The following ADIPOR2 variants were observed in gnomAD, a reference collection of about 807,000 sequenced individuals.
ADIPOR2 encodes the protein adiponectin receptor protein 2.
Under a neutral mutation model 40.9 loss-of-function variants are expected in ADIPOR2, and 18 were observed. That is an observed-to-expected ratio of 0.44 (90% CI 0.30 to 0.65). ADIPOR2 has a LOEUF of 0.65. Ranked by LOEUF, ADIPOR2 falls within the 30% of genes least tolerant of loss-of-function variation. ADIPOR2 has a pLI of 0.09. For missense variants in ADIPOR2, 283 were observed against 479.2 expected, an observed-to-expected ratio of 0.59 and a Z score of 3.82; for synonymous variants, 165 against 166.4, an observed-to-expected ratio of 0.99 and a Z score of 0.06.
In ADIPOR2 at chr12:1,732,002, A is replaced by T. The variant is rs976539447; in HGVS notation, c.-86-22256A>T. On this transcript the variant is annotated intron_variant, in intron 1 of 7. Coordinates refer to ENST00000357103, the MANE Select transcript of ADIPOR2 (RefSeq NM_024551.3). ...AAACAAAAAACACCAAGTTTATTTAAAAAAAAAAAAAGCTTAGACTTTTTT... is the reference window on the plus strand; with the variant it reads ...AAACAAAAAACACCAAGTTTATTTATAAAAAAAAAAAGCTTAGACTTTTTT... 1.1e-3 allele frequency among the ~76,000 whole-genome samples: 9 copies of T among 7,836 alleles called. No homozygotes were observed. The East Asian group carries it at 0.057, about 50-fold the overall frequency. The allele number at this position is 7,836 out of a possible 152,430, so 5.1% of individuals were successfully genotyped here. A position where few individuals can be genotyped will look rare whatever the true frequency, so the allele number is the denominator to read the frequency against.
At chr12:1,721,530 TCTAAATTAAC>T (rs2094697950) in intron 1 of ADIPOR2, among the ~76,000 whole-genome samples, 1 of 152,160 alleles carries the variant, frequency 6.6e-6, no homozygotes, top group African/African-American at 2.4e-5. Context: ...AAATAAACTT[TCTAAATTAAC>T]TGAGACCTGT....
intron 1 of ADIPOR2, among the ~76,000 whole-genome samples, chr12:1,736,302 T>C (rs1221529132): frequency 2.0e-5 from 3 of 152,224 alleles, no homozygotes; most frequent in Admixed American, 1.3e-4. Flanking sequence ...GAGATTCAAC[T>C]TCTTCCTGGT....
At chr12:1,695,530 G>C (rs1038880961) in intron 1 of ADIPOR2, among the ~76,000 whole-genome samples, 1 of 151,874 alleles carries the variant, frequency 6.6e-6, no homozygotes, top group Non-Finnish European at 1.5e-5. Context: ...GGGTATGGTG[G>C]CGCGCGCCTG....
At chr12:1,706,982 C>T (rs1037685791) in intron 1 of ADIPOR2, among the ~76,000 whole-genome samples, 4 of 152,104 alleles carry the variant, frequency 2.6e-5, no homozygotes, top group African/African-American at 7.2e-5. Context: ...GTGTGAGACC[C>T]GGTCTCAAGA....
At chr12:1,776,266 C>T (rs1217453224) in intron 3 of ADIPOR2, among the ~76,000 whole-genome samples, 1 of 152,150 alleles carries the variant, frequency 6.6e-6, no homozygotes, top group Non-Finnish European at 1.5e-5. Context: ...GGTTGTGGAG[C>T]AAAAGGAATG....
chr12:1,780,696 A>G lies in ADIPOR2; in HGVS notation c.650+59A>G. On this transcript the variant is annotated intron_variant, in intron 5 of 7. Transcript: ENST00000357103. ...GATTTAGAGGTAGTGCGTTAGGGAA[A>G]AACATTCAGCAGAGTTGGCAGAATT... The G allele has an allele frequency of 5.5e-6, 8 of 1,458,422 alleles. No homozygotes were observed. In the South Asian group the frequency reaches 1.1e-4, roughly 21 times the overall value. 90.3% of individuals were successfully genotyped at this position (1,458,422 alleles called of 1,614,324 possible).
chr12:1,738,178 G>T (rs2094735052), intron 1 of ADIPOR2, among the ~76,000 whole-genome samples: 1 of 143,018 alleles, frequency 7.0e-6, no homozygotes, highest in African/African-American at 2.6e-5. Context: ...TTTGAGACCG[G>T]CCTGGGCAAC....
At chr12:1,720,868 G>A (rs2154442113) in intron 1 of ADIPOR2, among the ~76,000 whole-genome samples, 1 of 152,296 alleles carries the variant, frequency 6.6e-6, no homozygotes, top group Middle Eastern at 3.4e-3. Context: ...GGGCTAACCT[G>A]CCTTCCATTC....
chr12:1,703,573 A>G (rs1284035178), intron 1 of ADIPOR2, among the ~76,000 whole-genome samples: 1 of 152,062 alleles, frequency 6.6e-6, no homozygotes, highest in East Asian at 1.9e-4. Flanking sequence ...TGTCTCTACA[A>G]AAAACTTAAA....
At chr12:1,739,477 G>T (rs1236586703) in intron 1 of ADIPOR2, among the ~76,000 whole-genome samples, 1 of 152,282 alleles carries the variant, frequency 6.6e-6, no homozygotes, top group Non-Finnish European at 1.5e-5. Context: ...AAAGATTGGT[G>T]TTTACATTTA....
At chr12:1,777,742 T>C in intron 3 of ADIPOR2, 112 bp from the exon 4 acceptor site, 1 of 1,015,706 alleles carries the variant, frequency 9.8e-7, no homozygotes, top group Non-Finnish European at 1.4e-6. Context: ...TTTTTAAAAA[T>C]GAATTGTTTT....
At position 1,745,173 on chromosome 12, in the gene ADIPOR2, C is replaced by T. The variant is rs1052470725; in HGVS notation, c.-86-9085C>T. Reference sequence around the variant, plus strand: ...TCCAAAAAGCTTTTGTCATGACCTTCGCTCTTGATGGGTTTGCTTTTGCTC... The same window carrying T: ...TCCAAAAAGCTTTTGTCATGACCTTTGCTCTTGATGGGTTTGCTTTTGCTC... On this transcript the variant is annotated intron_variant, in intron 1 of 7. Coordinates refer to ENST00000357103, the MANE Select transcript of ADIPOR2 (RefSeq NM_024551.3). Among the ~76,000 whole-genome samples the T allele has an allele frequency of 3.9e-5, 6 of 152,284 alleles. No individual in the cohort carries two copies. The East Asian group carries it at 7.7e-4, about 20-fold the overall frequency.
At chr12:1,769,576 T>C (rs899370441) in intron 2 of ADIPOR2, among the ~76,000 whole-genome samples, 1 of 152,240 alleles carries the variant, frequency 6.6e-6, no homozygotes, top group Admixed American at 6.5e-5. Flanking sequence ...TTGTTTCTCT[T>C]GTTGCCCAGG....
intron 1 of ADIPOR2, among the ~76,000 whole-genome samples, chr12:1,748,411 G>A (rs2094761252): frequency 1.3e-5 from 2 of 151,974 alleles, no homozygotes; most frequent in South Asian, 4.1e-4. Flanking sequence ...ACCACGCCTG[G>A]CTAATTTTTT....
chr12:1,748,348 A>G (rs201751720), intron 1 of ADIPOR2, among the ~76,000 whole-genome samples: 12,764 of 152,052 alleles, frequency 0.084, 869 homozygotes, highest in East Asian at 0.32. Flanking sequence ...TCCCGGGTTC[A>G]CGCCATTCTC....
At chr12:1,699,219 A>AG (rs1457350967) in intron 1 of ADIPOR2, among the ~76,000 whole-genome samples, 1 of 152,216 alleles carries the variant, frequency 6.6e-6, no homozygotes, top group African/African-American at 2.4e-5. Context: ...TCTTTTAAAA[A>AG]TCTAAATTGG....
chr12:1,742,949 G>T (rs1015853032), intron 1 of ADIPOR2, among the ~76,000 whole-genome samples: 1 of 152,002 alleles, frequency 6.6e-6, no homozygotes, highest in Admixed American at 6.6e-5. Flanking sequence ...TTTACTTTTC[G>T]ATTTTATTTT....
At chr12:1,762,020 C>A (rs150789903) in intron 2 of ADIPOR2, among the ~76,000 whole-genome samples, 2 of 152,200 alleles carry the variant, frequency 1.3e-5, no homozygotes, top group Non-Finnish European at 2.9e-5. Context: ...TCAGGACATT[C>A]TTCTCCATGT....
At chr12:1,764,558 AACACACACACACAC>A (rs59660682) in intron 2 of ADIPOR2, among the ~76,000 whole-genome samples, 2 of 118,998 alleles carry the variant, frequency 1.7e-5, no homozygotes, top group African/African-American at 7.4e-5. Context: ...TAAAGTATTA[AACACACACACACAC>A]ACACACACAC....
Sources: allele counts gnomAD v4.1 joint callset (sites outside exome capture counted in the v4.1 genomes callset), GRCh38; gene constraint gnomAD v4.1.1; transcripts MANE v1.5; gene names NCBI Gene and HGNC (gene_info 2026-07-23, HGNC 2026-07-21).